The following COMMD10 variants were observed in gnomAD, a reference collection of about 807,000 sequenced individuals.
The protein encoded by COMMD10 is COMM domain containing 10.
A neutral mutation model predicts 28.9 loss-of-function variants in COMMD10; 33 were observed. That is an observed-to-expected ratio of 1.14 (90% confidence interval 0.87 to 1.53). The LOEUF (loss-of-function observed/expected upper bound fraction) is 1.53, where lower values mean the gene tolerates loss of function less well. COMMD10 is among the 40% of genes most tolerant of loss of function. The pLI is 0.00. For synonymous variants in COMMD10, 110 were observed against 81.7 expected, an observed-to-expected ratio of 1.35 and a Z score of -1.87; for missense variants, 310 against 233.4, an observed-to-expected ratio of 1.33 and a Z score of -2.14.
intron 5 of COMMD10, among the ~76,000 whole-genome samples, chr5:116,135,552 T>G (rs900534956): frequency 2.0e-5 from 3 of 152,218 alleles, no homozygotes; most frequent in African/African-American, 7.2e-5. Context: ...AGTTTCACTT[T>G]CCATAGTTTC....
intron 5 of COMMD10, among the ~76,000 whole-genome samples, chr5:116,136,481 T>C (rs751834674): frequency 1.3e-5 from 2 of 152,242 alleles, no homozygotes; most frequent in African/African-American, 4.8e-5. Context: ...ACCACATACA[T>C]TGGATATGCT....
At chr5:116,129,799 T>C (rs2112766915) in intron 4 of COMMD10, among the ~76,000 whole-genome samples, 2 of 145,182 alleles carry the variant, frequency 1.4e-5, no homozygotes, top group East Asian at 4.0e-4. Context: ...TACTATATAC[T>C]ATATAATATA....
At chr5:116,256,760 G>C (rs577401443) in intron 5 of COMMD10, among the ~76,000 whole-genome samples, 1 of 151,684 alleles carries the variant, frequency 6.6e-6, no homozygotes, top group African/African-American at 2.4e-5. Context: ...GTAATTTAAT[G>C]TAATATTTTG....
At chr5:116,133,779 T>G (rs1337024561) in intron 4 of COMMD10, among the ~76,000 whole-genome samples, 1 of 152,212 alleles carries the variant, frequency 6.6e-6, no homozygotes, top group African/African-American at 2.4e-5. Context: ...TTAAAAACCA[T>G]TGGCTCTTTT....
At chr5:116,184,581 T>C (rs1432810111) in intron 5 of COMMD10, among the ~76,000 whole-genome samples, 1 of 152,074 alleles carries the variant, frequency 6.6e-6, no homozygotes, top group East Asian at 1.9e-4. Flanking sequence ...TAAGATATAA[T>C]GAACACCAAA....
In COMMD10 at chr5:116,292,709, T is replaced by A. The variant is rs995004386; in HGVS notation, c.*220T>A. ...TAGTTCTGTGAGCCAACAGTAATTA[T>A]TAAGAACACTTTCCCTTTAAAGGAA... is the stretch of plus-strand genomic sequence containing the variant. On this transcript the variant is annotated 3_prime_UTR_variant, in exon 7 of 7. Coordinates refer to ENST00000274458, the MANE Select transcript of COMMD10 (RefSeq NM_016144.4). 1 of 416,880 alleles carries A rather than the reference T, an allele frequency of 2.4e-6. No homozygotes were observed. 25.8% of individuals were successfully genotyped at this position (416,880 alleles called of 1,614,324 possible). A position where few individuals can be genotyped will look rare whatever the true frequency, so the allele number is the denominator to read the frequency against.
chr5:116,147,104 G>C (rs1458801319), intron 5 of COMMD10, among the ~76,000 whole-genome samples: 1 of 151,766 alleles, frequency 6.6e-6, no homozygotes, highest in African/African-American at 2.4e-5. Flanking sequence ...TGCATATTTA[G>C]CATCAACCCA....
rs1053149384 is a variant in COMMD10 at position 116,289,456 on chromosome 5, T to C, written c.511-2061T>C. Among the ~76,000 whole-genome samples, 24 of 151,828 alleles carry C rather than the reference T, an allele frequency of 1.6e-4. 1 individual carries two copies. Among genetic ancestry groups the C allele is most frequent in the African/African-American group, 5.8e-4 (24 of 41,162 alleles). ...CTAGGGCCTCTCAAATGTTTTCTGATATTTTGCTCCCTCTGGCACCTGCCC... is the reference window on the plus strand; with the variant it reads ...CTAGGGCCTCTCAAATGTTTTCTGACATTTTGCTCCCTCTGGCACCTGCCC... On this transcript the variant is annotated intron_variant, in intron 5 of 6. Transcript: ENST00000274458.
At chr5:116,119,247 A>G (rs746685910) in intron 4 of COMMD10, among the ~76,000 whole-genome samples, 77 of 152,348 alleles carry the variant, frequency 5.1e-4, no homozygotes, top group Non-Finnish European at 9.8e-4. Context: ...TCACCCTAAC[A>G]GTGAGACTAG....
rs1435061221 is a variant in COMMD10, at chr5:116,241,395, G to A, written c.511-50122G>A. Among the ~76,000 whole-genome samples, 4 of 151,980 alleles carry A rather than the reference G, an allele frequency of 2.6e-5. No homozygotes were observed. In the East Asian group the frequency reaches 5.8e-4, roughly 22 times the overall value. On this transcript the variant is annotated intron_variant, in intron 5 of 6. Transcript: ENST00000274458. Reference sequence around the variant, plus strand: ...GCAAGCCCCAAATACCTACATATCTGTAATTTTCTGAGCCACCATAAAATC... The same window carrying A: ...GCAAGCCCCAAATACCTACATATCTATAATTTTCTGAGCCACCATAAAATC...
intron 1 of COMMD10, chr5:116,085,400 G>A (rs1750060385): frequency 2.4e-6 from 1 of 410,842 alleles, no homozygotes; most frequent in Non-Finnish European, 4.3e-6. Flanking sequence ...GGTATCAGAA[G>A]TTCCCGGGTG....
rs553470109 is a variant in COMMD10 at position 116,257,506 on chromosome 5, A to G, written c.511-34011A>G. On this transcript the variant is annotated intron_variant, in intron 5 of 6. Transcript: ENST00000274458. ...CATAGGAGGGCATTTTAGCAAAACA[A>G]TAAGACAAAACAGCTTTTGACAGTT... is the stretch of plus-strand genomic sequence containing the variant. 9.9e-5 allele frequency among the ~76,000 whole-genome samples: 15 copies of G among 151,860 alleles called. No homozygotes were observed. In the East Asian group the frequency reaches 1.4e-3, roughly 14 times the overall value.
intron 5 of COMMD10, among the ~76,000 whole-genome samples, chr5:116,212,652 T>C (rs1422850677): frequency 6.6e-6 from 1 of 152,062 alleles, no homozygotes; most frequent in Non-Finnish European, 1.5e-5. Flanking sequence ...GAAATTACTA[T>C]TGACATTTTA....
chr5:116,251,958 G>T lies in COMMD10; in HGVS notation c.511-39559G>T, dbSNP rs1377187142. ...CTCCACATCCTCTCCAGCACCTGTTGTTTCCTGACTTTTTAATGATTGCCA... is the reference window on the plus strand; with the variant it reads ...CTCCACATCCTCTCCAGCACCTGTTTTTTCCTGACTTTTTAATGATTGCCA... On this transcript the variant is annotated intron_variant, in intron 5 of 6. Coordinates refer to ENST00000274458, the MANE Select transcript of COMMD10 (RefSeq NM_016144.4). Among the ~76,000 whole-genome samples the T allele has an allele frequency of 3.6e-5, 5 of 140,452 alleles. No individual in the cohort carries two copies. The East Asian group carries it at 8.4e-4, about 24-fold the overall frequency. 92.1% of individuals were successfully genotyped at this position (140,452 alleles called of 152,430 possible).
At chr5:116,254,876 C>A (rs1462736518) in intron 5 of COMMD10, among the ~76,000 whole-genome samples, 1 of 151,548 alleles carries the variant, frequency 6.6e-6, no homozygotes, top group Non-Finnish European at 1.5e-5. Flanking sequence ...TCTCGTTGAT[C>A]TGTCTAATAT....
Position 116,147,755 on chromosome 5 carries a change from T to C in COMMD10, c.510+13577T>C, listed in dbSNP as rs537796695. The stretch of plus-strand genomic sequence containing the variant: ...TCTTTTAAAAAATTATTTTATACTT[T>C]TTAAAAATTACACAAGTAATTTACA... On this transcript the variant is annotated intron_variant, in intron 5 of 6. Coordinates refer to ENST00000274458, the MANE Select transcript of COMMD10 (RefSeq NM_016144.4). 7.2e-5 allele frequency among the ~76,000 whole-genome samples: 11 copies of C among 152,024 alleles called. No individual in the cohort carries two copies. The South Asian group carries it at 2.1e-3, about 29-fold the overall frequency.
intron 5 of COMMD10, among the ~76,000 whole-genome samples, chr5:116,243,418 T>A (rs1208177657): frequency 6.6e-6 from 1 of 152,184 alleles, no homozygotes; most frequent in East Asian, 1.9e-4. Context: ...AAAATTTACA[T>A]GTTTTAATTT....
At chr5:116,183,432 T>C (rs1267469166) in intron 5 of COMMD10, among the ~76,000 whole-genome samples, 1 of 152,112 alleles carries the variant, frequency 6.6e-6, no homozygotes, top group Non-Finnish European at 1.5e-5. Context: ...TAAAATGAAA[T>C]TCAATCTTGT....
At chr5:116,089,328 G>A (rs893661019) in intron 2 of COMMD10, among the ~76,000 whole-genome samples, 3 of 152,136 alleles carry the variant, frequency 2.0e-5, no homozygotes, top group Non-Finnish European at 4.4e-5. Flanking sequence ...TAGCTAGTTG[G>A]GCAACTTGGC....
Sources: allele counts gnomAD v4.1 joint callset (sites outside exome capture counted in the v4.1 genomes callset), GRCh38; gene constraint gnomAD v4.1.1; transcripts MANE v1.5; gene names NCBI Gene and HGNC (gene_info 2026-07-23, HGNC 2026-07-21).